PRIM2: variants seen among roughly 807,000 people sequenced by gnomAD.
PRIM2 encodes the protein DNA primase large subunit.
PRIM2 carries 39 observed loss-of-function variants against 67.3 expected under a neutral mutation model. The observed-to-expected ratio is 0.58, with a 90% CI of 0.45 to 0.76. The LOEUF (loss-of-function observed/expected upper bound fraction) is 0.76. Ranked by LOEUF, PRIM2 falls within the 30% of genes least tolerant of loss-of-function variation. The pLI is 0.00. For synonymous variants in PRIM2, 143 were observed against 198.7 expected, an observed-to-expected ratio of 0.72 and a Z score of 2.36; for missense variants, 398 against 598.7, an observed-to-expected ratio of 0.66 and a Z score of 3.50.
intron 7 of PRIM2, among the ~76,000 whole-genome samples, chr6:57,500,506 AAC>A (rs1383462948): frequency 2.6e-5 from 4 of 152,238 alleles, no homozygotes; most frequent in African/African-American, 9.6e-5. Flanking sequence ...CCATACGGGA[AAC>A]ACAGACTGCA....
At chr6:57,526,525 T>G (rs1251063200) in intron 8 of PRIM2, among the ~76,000 whole-genome samples, 1 of 152,204 alleles carries the variant, frequency 6.6e-6, no homozygotes, top group Admixed American at 6.5e-5. Flanking sequence ...CCCTTTATAT[T>G]TGGCAAAATA....
intron 5 of PRIM2, among the ~76,000 whole-genome samples, chr6:57,330,383 GTT>G (rs60270076): frequency 1.1e-4 from 11 of 99,558 alleles, no homozygotes; most frequent in African/African-American, 1.7e-4. Context: ...TTGTTTTTTT[GTT>G]TTTTTTTTTT....
chr6:57,410,860 C>G (rs1356972161), intron 7 of PRIM2, among the ~76,000 whole-genome samples: 1 of 151,224 alleles, frequency 6.6e-6, no homozygotes, highest in Non-Finnish European at 1.5e-5. Context: ...TGTGATATTA[C>G]CTATTGGTTT....
chr6:57,430,490 G>T lies in PRIM2; in HGVS notation c.693+48322G>T, dbSNP rs1191933278. The stretch of plus-strand genomic sequence containing the variant: ...TTTTTTTGAGATGGAGTCTCACTCT[G>T]TTGCCCAGGCTGGAGTGCAGTGGCG... On this transcript the variant is annotated intron_variant, in intron 7 of 13. Coordinates refer to ENST00000615550, the MANE Select transcript of PRIM2 (RefSeq NM_000947.5). Among the ~76,000 whole-genome samples the T allele has an allele frequency of 4.7e-5, 5 of 105,762 alleles. No individual in the cohort carries two copies. In the Admixed American group the frequency reaches 6.2e-4, roughly 13 times the overall value. The allele number at this position is 105,762 out of a possible 152,430, so 69.4% of individuals were successfully genotyped here.
At chr6:57,410,974 C>T (rs1771070216) in intron 7 of PRIM2, among the ~76,000 whole-genome samples, 1 of 151,370 alleles carries the variant, frequency 6.6e-6, no homozygotes, top group East Asian at 1.9e-4. Context: ...TTGTCCCTGT[C>T]CAAATCTCAT....
intron 13 of PRIM2, among the ~76,000 whole-genome samples, chr6:57,636,063 CA>C (rs1777115880): frequency 6.6e-6 from 1 of 152,154 alleles, no homozygotes; most frequent in African/African-American, 2.4e-5. Flanking sequence ...ACACTAGGAC[CA>C]AGCTAGTGTG....
At chr6:57,318,195 C>T (rs1258356168) in intron 1 of PRIM2, among the ~76,000 whole-genome samples, 5 of 152,186 alleles carry the variant, frequency 3.3e-5, no homozygotes, top group African/African-American at 1.2e-4. Flanking sequence ...AAATTAGGAT[C>T]ACCACCTGCA....
rs1777335205 is a variant in PRIM2 at position 57,646,371 on chromosome 6, T to G, written c.*213T>G. 2.0e-6 allele frequency: 1 copy of G among 500,112 alleles called. No individual in the cohort carries two copies. The highest frequency in any genetic ancestry group is 3.5e-6 in the Non-Finnish European group (1 of 282,548). The allele number at this position is 500,112 out of a possible 1,614,324, so 31.0% of individuals were successfully genotyped here. The stretch of plus-strand genomic sequence containing the variant: ...AGGTGTGCACCTCATATCCAGATAA[T>G]TTTTTTCAATTTTTTTTTGTAGAGG... On this transcript the variant is annotated 3_prime_UTR_variant, in exon 14 of 14. Transcript: ENST00000615550.
chr6:57,249,984 G>A, the PRIM2 span, among the ~76,000 whole-genome samples: 1 of 152,194 alleles, frequency 6.6e-6, no homozygotes, highest in African/African-American at 2.4e-5. Flanking sequence ...GGGAGGACCA[G>A]TATCTAAATG....
chr6:57,634,567 C>G (rs1777089729), intron 13 of PRIM2, among the ~76,000 whole-genome samples: 1 of 152,262 alleles, frequency 6.6e-6, no homozygotes, highest in African/African-American at 2.4e-5. Flanking sequence ...TCCTATTGTT[C>G]TTTAATCATT....
At chr6:57,311,284 G>A (rs376439650), upstream of PRIM2, among the ~76,000 whole-genome samples, 219 of 107,910 alleles carry the variant, frequency 2.0e-3, no homozygotes, top group East Asian at 6.0e-3. Context: ...CAGACGGGGC[G>A]GCCGGGCAGA....
At chr6:57,421,114 C>T (rs1327119193) in intron 7 of PRIM2, among the ~76,000 whole-genome samples, 1 of 152,014 alleles carries the variant, frequency 6.6e-6, no homozygotes, top group African/African-American at 2.4e-5. Context: ...AGATGGTAGA[C>T]CAAGGAGCAG....
chr6:57,254,403 C>T, the PRIM2 span, among the ~76,000 whole-genome samples: 4,815 of 152,316 alleles, frequency 0.032, 111 homozygotes, highest in Non-Finnish European at 0.046. Context: ...TCTCACACTT[C>T]CTCACCACAA....
chr6:57,418,383 G>GT (rs34491627), intron 7 of PRIM2, among the ~76,000 whole-genome samples: 2,510 of 46,900 alleles, frequency 0.054, 299 homozygotes, highest in Non-Finnish European at 0.073. Context: ...TATGTGTGTG[G>GT]TTTTTTTTTT....
At chr6:57,624,668 C>T (rs1776915882) in intron 12 of PRIM2, among the ~76,000 whole-genome samples, 1 of 152,118 alleles carries the variant, frequency 6.6e-6, no homozygotes, top group African/African-American at 2.4e-5. Context: ...TCAACATCAA[C>T]AGATAATAAT....
intron 7 of PRIM2, among the ~76,000 whole-genome samples, chr6:57,400,582 A>T (rs1770674057): frequency 6.6e-6 from 1 of 152,036 alleles, no homozygotes; most frequent in African/African-American, 2.4e-5. Flanking sequence ...TGTCTTGGGG[A>T]TGATCTTCTT....
intron 5 of PRIM2, among the ~76,000 whole-genome samples, chr6:57,345,506 G>GTGTGTACA (rs369673115): frequency 0.01 from 1,260 of 121,998 alleles, 18 homozygotes; most frequent in African/African-American, 0.02. Context: ...GTGTGTGTGT[G>GTGTGTACA]TACATACATA....
At chr6:57,274,351 C>T in the PRIM2 span, among the ~76,000 whole-genome samples, 3 of 152,244 alleles carry the variant, frequency 2.0e-5, no homozygotes, top group Admixed American at 1.3e-4. Flanking sequence ...CCCAGCCTCC[C>T]TGCGGCCTTG....
At chr6:57,403,957 G>A (rs1324367938) in intron 7 of PRIM2, among the ~76,000 whole-genome samples, 2 of 147,034 alleles carry the variant, frequency 1.4e-5, no homozygotes, top group Non-Finnish European at 3.0e-5. Context: ...GCAGATGGCT[G>A]TCTTCTCATT....
Sources: gnomAD v4.1 joint callset for allele counts (sites outside exome capture counted in the v4.1 genomes callset) on GRCh38, gnomAD v4.1.1 for gene constraint, MANE v1.5 for transcripts, NCBI Gene and HGNC (gene_info 2026-07-23, HGNC 2026-07-21) for gene names.